STK3: variants seen among roughly 807,000 people sequenced by gnomAD.
The protein encoded by STK3 is serine/threonine-protein kinase 3.
STK3 carries 41 observed loss-of-function variants against 58.0 expected under a neutral mutation model. The observed-to-expected ratio is 0.71, with a 90% confidence interval of 0.55 to 0.92. The LOEUF (loss-of-function observed/expected upper bound fraction) is 0.92, where lower values mean the gene tolerates loss of function less well. Among genes scored for constraint, STK3 ranks in the 40% least tolerant of loss-of-function variants. The pLI is 0.00. For synonymous variants in STK3, 170 were observed against 191.0 expected (o/e 0.89, Z 0.91); for missense variants, 479 against 602.7 (o/e 0.79, Z 2.15).
At chr8:98,888,291 C>T (rs1352091624) in intron 1 of STK3, among the ~76,000 whole-genome samples, 1 of 152,010 alleles carries the variant, frequency 6.6e-6, no homozygotes, top group Non-Finnish European at 1.5e-5. Context: ...TGCCCTCCAG[C>T]CTGGGCGACA....
At chr8:98,416,443 T>C (rs1007290965) in intron 3 of STK3, among the ~76,000 whole-genome samples, 1 of 139,824 alleles carries the variant, frequency 7.2e-6, no homozygotes, top group Non-Finnish European at 1.5e-5. Flanking sequence ...GAATGTAATG[T>C]AAGGAAACAT....
chr8:98,616,950 C>T (rs181789804), intron 6 of STK3, among the ~76,000 whole-genome samples: 7 of 152,264 alleles, frequency 4.6e-5, no homozygotes, highest in Admixed American at 3.3e-4. Flanking sequence ...CTCATCTCCG[C>T]ACCAAGCGGA....
intron 6 of STK3, among the ~76,000 whole-genome samples, chr8:98,670,989 G>C (rs752310210): frequency 1.3e-5 from 2 of 152,192 alleles, no homozygotes; most frequent in Non-Finnish European, 2.9e-5. Context: ...ATGCGGCCTG[G>C]CAGGCTGAGT....
chr8:98,349,840 A>G, the STK3 span, among the ~76,000 whole-genome samples: 1 of 152,126 alleles, frequency 6.6e-6, no homozygotes, highest in Non-Finnish European at 1.5e-5. Context: ...GACTGCACAC[A>G]GCAGAGGGAC....
intron 6 of STK3, among the ~76,000 whole-genome samples, chr8:98,686,294 A>C (rs927024601): frequency 1.3e-5 from 2 of 152,190 alleles, no homozygotes; most frequent in Non-Finnish European, 2.9e-5. Flanking sequence ...TCTCTGACAC[A>C]AAACAACCAA....
intron 1 of STK3, among the ~76,000 whole-genome samples, chr8:98,938,520 C>T (rs936201546): frequency 6.6e-6 from 1 of 152,172 alleles, no homozygotes; most frequent in Non-Finnish European, 1.5e-5. Flanking sequence ...ATGCTGGATG[C>T]ACTTGAAGGT....
chr8:98,547,732 C>A (rs576415377), intron 9 of STK3, among the ~76,000 whole-genome samples: 1 of 152,106 alleles, frequency 6.6e-6, no homozygotes, highest in Non-Finnish European at 1.5e-5. Flanking sequence ...CGTGGGTTAG[C>A]AACCTTCAAC....
chr8:98,873,391 C>A (rs1403061911), intron 3 of STK3, among the ~76,000 whole-genome samples: 1 of 152,130 alleles, frequency 6.6e-6, no homozygotes, highest in Non-Finnish European at 1.5e-5. Context: ...TCCTGGATAT[C>A]CTTGTCAACT....
chr8:98,758,803 C>G (rs1484172311), intron 3 of STK3, among the ~76,000 whole-genome samples: 1 of 152,236 alleles, frequency 6.6e-6, no homozygotes, highest in African/African-American at 2.4e-5. Context: ...CTTGCTGCAG[C>G]TTCTATTTCA....
chr8:98,561,757 TTAAA>T (rs1812052499), intron 8 of STK3, among the ~76,000 whole-genome samples: 1 of 152,102 alleles, frequency 6.6e-6, no homozygotes, highest in African/African-American at 2.4e-5. Context: ...AAAATATTTG[TTAAA>T]TACTTACTTT....
intron 1 of STK3, among the ~76,000 whole-genome samples, chr8:98,903,538 CTTCTTCTTCTTCTTCTTCCT>C (rs1564093491): frequency 1.1e-4 from 3 of 28,406 alleles, no homozygotes; most frequent in African/African-American, 2.1e-4. Flanking sequence ...TCTTCTTCTT[CTTCTTCTTCTTCTTCTTCCT>C]TTTTTTTTTT....
chr8:98,620,219 A>G (rs1384269515), intron 6 of STK3, among the ~76,000 whole-genome samples: 17 of 99,442 alleles, frequency 1.7e-4, no homozygotes, highest in African/African-American at 6.6e-4. Context: ...CGCAAGAACA[A>G]AAAACCAAAC....
the STK3 span, among the ~76,000 whole-genome samples, chr8:98,344,892 C>CTCA: frequency 1.7e-4 from 8 of 47,400 alleles, no homozygotes; most frequent in Non-Finnish European, 1.1e-4. Context: ...GACTCCGTCT[C>CTCA]AAAAAAAAAA....
At chr8:98,368,576 G>T (rs1296414570), downstream of STK3, among the ~76,000 whole-genome samples, 1 of 152,202 alleles carries the variant, frequency 6.6e-6, no homozygotes, top group Non-Finnish European at 1.5e-5. Context: ...CCATGGACAT[G>T]TCCAGGGTTA....
chr8:98,690,525 G>T (rs1008653857), intron 6 of STK3, among the ~76,000 whole-genome samples: 5 of 148,114 alleles, frequency 3.4e-5, no homozygotes, highest in African/African-American at 1.2e-4. Context: ...AACTACAAAA[G>T]ACTACTAAAA....
At chr8:98,348,017 T>A in the STK3 span, among the ~76,000 whole-genome samples, 2 of 152,160 alleles carry the variant, frequency 1.3e-5, no homozygotes, top group African/African-American at 4.8e-5. Context: ...AGACTTACTA[T>A]AAATCTACGA....
At chr8:98,663,737 T>G (rs1227564348) in intron 6 of STK3, among the ~76,000 whole-genome samples, 6 of 152,188 alleles carry the variant, frequency 3.9e-5, no homozygotes, top group Non-Finnish European at 5.9e-5. Flanking sequence ...TGGATGAAGC[T>G]GGAAACCATC....
rs1309245001 is a variant in STK3, at chr8:98,651,919, T to C, written c.684+54548A>G. 4.0e-5 allele frequency among the ~76,000 whole-genome samples: 6 copies of C among 150,988 alleles called. No individual in the cohort carries two copies. The South Asian group carries it at 8.4e-4, about 21-fold the overall frequency. On this transcript the variant is annotated intron_variant, in intron 6 of 10. Coordinates refer to ENST00000419617, the MANE Select transcript of STK3 (RefSeq NM_006281.4). ...TTGGAAAACACTCTGCAGGATATTA[T>C]CCAGGAGAACTTCCCCAATCTAGCA...
chr8:98,708,413 A>G (rs1279367670), intron 4 of STK3, among the ~76,000 whole-genome samples: 1 of 152,120 alleles, frequency 6.6e-6, no homozygotes, highest in Non-Finnish European at 1.5e-5. Context: ...TCCTACACCA[A>G]TGCCACTCCT....
Sources: allele counts gnomAD v4.1 joint callset (sites outside exome capture counted in the v4.1 genomes callset), GRCh38; gene constraint gnomAD v4.1.1; transcripts MANE v1.5; gene names NCBI Gene and HGNC (gene_info 2026-07-23, HGNC 2026-07-21).